Variants in CDH13 observed in about 807,000 individuals in gnomAD.
CDH13 encodes cadherin-13.
In CDH13, 24 loss-of-function variants were observed where a neutral mutation model predicts 63.8. The observed-to-expected ratio is 0.38, with a 90% CI of 0.27 to 0.53. The LOEUF is 0.53. Among genes scored for constraint, CDH13 ranks in the 20% least tolerant of loss-of-function variants. CDH13 has a pLI of 0.85. For missense variants in CDH13, 1,049 were observed against 903.1 expected, an observed-to-expected ratio of 1.16 and a Z score of -2.07; for synonymous variants, 503 against 355.3, an observed-to-expected ratio of 1.42 and a Z score of -4.67.
intron 1 of CDH13, among the ~76,000 whole-genome samples, chr16:82,837,168 G>A (rs2151124541): frequency 6.6e-6 from 1 of 152,306 alleles, no homozygotes; most frequent in East Asian, 1.9e-4. Flanking sequence ...GTGGGAAGTG[G>A]GAGTTAGGCC....
chr16:83,102,553 CT>C (rs1301556324), intron 3 of CDH13, among the ~76,000 whole-genome samples: 1 of 152,106 alleles, frequency 6.6e-6, no homozygotes, highest in Admixed American at 6.5e-5. Context: ...AGGACACTGG[CT>C]TCACTCCAGG....
chr16:82,869,954 A>T (rs2040287435), intron 2 of CDH13, among the ~76,000 whole-genome samples: 1 of 152,176 alleles, frequency 6.6e-6, no homozygotes, highest in Admixed American at 6.6e-5. Context: ...AAGCATGGGA[A>T]ACTGAAACAA....
chr16:82,795,540 A>G (rs1201003244), intron 1 of CDH13, among the ~76,000 whole-genome samples: 1 of 152,186 alleles, frequency 6.6e-6, no homozygotes, highest in African/African-American at 2.4e-5. Context: ...TGGAATGCTC[A>G]GTCAACCCTA....
chr16:82,649,896 G>T (rs914543218), intron 1 of CDH13, among the ~76,000 whole-genome samples: 1 of 152,114 alleles, frequency 6.6e-6, no homozygotes, highest in Non-Finnish European at 1.5e-5. Flanking sequence ...TATATCCTGG[G>T]GTTCCTGAGA....
intron 10 of CDH13, among the ~76,000 whole-genome samples, chr16:83,715,100 C>G (rs545213811): frequency 2.0e-5 from 3 of 152,214 alleles, no homozygotes; most frequent in Middle Eastern, 3.4e-3. Flanking sequence ...TTCATGCATG[C>G]CTTTGCTCAT....
At chr16:83,626,838 C>G (rs907217193) in intron 8 of CDH13, among the ~76,000 whole-genome samples, 2 of 152,178 alleles carry the variant, frequency 1.3e-5, no homozygotes, top group Non-Finnish European at 2.9e-5. Flanking sequence ...TGTACCCGCT[C>G]TCCCTAGGAC....
chr16:83,178,095 C>T (rs549975707), intron 4 of CDH13, among the ~76,000 whole-genome samples: 1 of 152,190 alleles, frequency 6.6e-6, no homozygotes, highest in African/African-American at 2.4e-5. Flanking sequence ...AGCTAACTAT[C>T]GGTCCACTGA....
Position 83,455,590 on chromosome 16 carries a change from C to G in CDH13, c.782-30887C>G, listed in dbSNP as rs150811445. ...ACGTGGCTCCTTCTTGTGCTCTTCT[C>G]TGCTTCCAGCTGCGTTTTCCTCAAA... On this transcript the variant is annotated intron_variant, in intron 6 of 13. Coordinates refer to ENST00000567109, the MANE Select transcript of CDH13 (RefSeq NM_001257.5). Among the ~76,000 whole-genome samples the G allele has an allele frequency of 2.4e-3, 372 of 152,350 alleles. 11 individuals are homozygous for G. The East Asian group carries it at 0.056, about 23-fold the overall frequency.
chr16:83,472,294 G>C (rs142033352), intron 6 of CDH13, among the ~76,000 whole-genome samples: 3 of 152,358 alleles, frequency 2.0e-5, no homozygotes, highest in African/African-American at 4.8e-5. Flanking sequence ...TGTGAGTCTG[G>C]ATGGGAGGCC....
In CDH13 at chr16:82,881,618, C is replaced by T. The variant is rs529981417; in HGVS notation, c.157+23145C>T. 3.9e-5 allele frequency among the ~76,000 whole-genome samples: 6 copies of T among 152,246 alleles called. No homozygotes were observed. In the South Asian group the frequency reaches 1.0e-3, roughly 26 times the overall value. ...CAGAACCTGGGAAACATAGTCCTTC[C>T]GTCCTGAAAAGGAATACAACAGGCA... On this transcript the variant is annotated intron_variant, in intron 2 of 13. Transcript: ENST00000567109.
chr16:83,533,146 C>T (rs2075116220), intron 7 of CDH13, among the ~76,000 whole-genome samples: 1 of 152,202 alleles, frequency 6.6e-6, no homozygotes, highest in Non-Finnish European at 1.5e-5. Context: ...ACTCTGTCTC[C>T]ACTCACTCTT....
At chr16:83,421,721 G>T (rs982928317) in intron 6 of CDH13, among the ~76,000 whole-genome samples, 3 of 152,282 alleles carry the variant, frequency 2.0e-5, no homozygotes, top group Non-Finnish European at 4.4e-5. Flanking sequence ...AGGCTTTGTT[G>T]TTAGCGTCCA....
intron 7 of CDH13, among the ~76,000 whole-genome samples, chr16:83,523,175 C>T (rs1016673443): frequency 3.5e-4 from 53 of 152,258 alleles, no homozygotes; most frequent in African/African-American, 1.2e-3. Flanking sequence ...TGATGTCATC[C>T]TCTCTACCCA....
intron 5 of CDH13, among the ~76,000 whole-genome samples, chr16:83,340,049 C>T (rs759505620): frequency 6.6e-6 from 1 of 152,166 alleles, no homozygotes; most frequent in Non-Finnish European, 1.5e-5. Flanking sequence ...TGACCTTTCC[C>T]ATCTCTGGGA....
chr16:83,084,819 C>T lies in CDH13; in HGVS notation c.367-40566C>T, dbSNP rs530986532. 5.3e-5 allele frequency among the ~76,000 whole-genome samples: 8 copies of T among 152,274 alleles called. No homozygotes were observed. In the East Asian group the frequency reaches 1.5e-3, roughly 29 times the overall value. On this transcript the variant is annotated intron_variant, in intron 3 of 13. Coordinates refer to ENST00000567109, the MANE Select transcript of CDH13 (RefSeq NM_001257.5). ...AGGAGAATCCCTTGAACCCAGGAGG[C>T]AGAGGTTGCAGTGAGCCGAGATCGC...
intron 13 of CDH13, among the ~76,000 whole-genome samples, chr16:83,787,164 C>T (rs9931969): frequency 0.13 from 19,688 of 152,152 alleles, 2,130 homozygotes; most frequent in African/African-American, 0.3. Flanking sequence ...TACCATTCTG[C>T]GACTTACTTT....
intron 8 of CDH13, among the ~76,000 whole-genome samples, chr16:83,665,797 T>G (rs1913893198): frequency 6.6e-6 from 1 of 152,240 alleles, no homozygotes; most frequent in South Asian, 2.1e-4. Flanking sequence ...TGATCATTAT[T>G]TCCATCTTCC....
intron 1 of CDH13, among the ~76,000 whole-genome samples, chr16:82,849,593 C>G (rs970107260): frequency 5.9e-5 from 9 of 152,206 alleles, no homozygotes; most frequent in African/African-American, 2.2e-4. Flanking sequence ...TAGCTAAGAT[C>G]ATTGATGAAG....
rs1173075909 is a variant in CDH13, at chr16:82,996,938, G to A, written c.158-35072G>A. ...TGATTATTATGGTAATGATAATTAC[G>A]ATGGTGTTGTTGATGATGGTGGTGG... is the stretch of plus-strand genomic sequence containing the variant. On this transcript the variant is annotated intron_variant, in intron 2 of 13. Transcript: ENST00000567109. Among the ~76,000 whole-genome samples, 7 of 147,340 alleles carry A rather than the reference G, an allele frequency of 4.8e-5. No individual in the cohort carries two copies. In the South Asian group the frequency reaches 6.5e-4, roughly 14 times the overall value.
Sources: allele counts gnomAD v4.1 joint callset (sites outside exome capture counted in the v4.1 genomes callset), GRCh38; gene constraint gnomAD v4.1.1; transcripts MANE v1.5; gene names NCBI Gene and HGNC (gene_info 2026-07-23, HGNC 2026-07-21).